The following MARCHF6 variants were observed in gnomAD, a reference collection of about 807,000 sequenced individuals.
The protein encoded by MARCHF6 is E3 ubiquitin-protein ligase MARCHF6.
MARCHF6 carries 31 observed loss-of-function variants against 133.7 expected under a neutral mutation model. The observed-to-expected ratio is 0.23, with a 90% CI of 0.17 to 0.31. MARCHF6 has a LOEUF of 0.31. Ranked by LOEUF, MARCHF6 falls within the 10% of genes least tolerant of loss-of-function variation. MARCHF6 has a pLI of 1.00. For missense variants in MARCHF6, 723 were observed against 1,121.6 expected (o/e 0.64, Z 5.08); for synonymous variants, 395 against 402.5 (o/e 0.98, Z 0.22).
intron 17 of MARCHF6, among the ~76,000 whole-genome samples, chr5:10,408,729 G>A (rs569790546): frequency 2.9e-4 from 44 of 152,168 alleles, no homozygotes; most frequent in Admixed American, 1.5e-3. Flanking sequence ...TGGGGAGACC[G>A]GGTTTTACCA....
intron 22 of MARCHF6, chr5:10,421,854 C>G (rs1579615358): frequency 2.6e-5 from 4 of 152,228 alleles, no homozygotes; most frequent in African/African-American, 9.7e-5. Flanking sequence ...CCTTTTGAAG[C>G]CCTTTAGGAT....
intron 4 of MARCHF6, among the ~76,000 whole-genome samples, chr5:10,386,174 TTTA>T (rs1329876699): frequency 6.6e-6 from 1 of 152,190 alleles, no homozygotes; most frequent in African/African-American, 2.4e-5. Flanking sequence ...GTAAGTAATT[TTTA>T]TTACAGAAAA....
chr5:10,390,823 A>ATATG (rs1737784213), intron 6 of MARCHF6, among the ~76,000 whole-genome samples: 1 of 152,218 alleles, frequency 6.6e-6, no homozygotes, highest in Admixed American at 6.5e-5. Context: ...ATGTATGTAT[A>ATATG]TATGTATGTA....
Position 10,436,811 on chromosome 5 carries a change from T to C in MARCHF6, c.*3127T>C, listed in dbSNP as rs1740673314. 6.6e-6 allele frequency: 1 copy of C among 152,220 alleles called. No homozygotes were observed. The highest frequency in any genetic ancestry group is 2.4e-5 in the African/African-American group (1 of 41,466). The allele number at this position is 152,220 out of a possible 1,614,324, so 9.4% of individuals were successfully genotyped here. On this transcript the variant is annotated 3_prime_UTR_variant, in exon 26 of 26. Coordinates refer to ENST00000274140, the MANE Select transcript of MARCHF6 (RefSeq NM_005885.4). ...TGTTTTTAGGTGACTTTTTTCCCCC[T>C]CTTAGTACTCTGGAGAAACAATGAA...
At chr5:10,406,968 G>C in intron 16 of MARCHF6, 134 bp from the exon 17 acceptor site, 1 of 497,134 alleles carries the variant, frequency 2.0e-6, no homozygotes, top group East Asian at 3.1e-5. Context: ...ATAATGTGTA[G>C]AGTGGGAACC....
chr5:10,410,230 C>A lies in MARCHF6; in HGVS notation c.1645C>A (p.Leu549Met), dbSNP rs1475399436. The A allele has an allele frequency of 3.1e-6, 5 of 1,613,472 alleles. No homozygotes were observed. The highest frequency in any genetic ancestry group is 4.2e-6 in the Non-Finnish European group (5 of 1,180,038). ...CGAACAGGGACACACGAGGCAGTGG[C>A]TGAAGGGGCTGGTGCGAGCGTGGAC... ...LLEQGHTRQW[L>M]KGLVRAWTVT... Residue 549 changes from leucine to methionine, a missense_variant, in exon 18 of 26, where the codon CTG becomes ATG. Physicochemically the swap from Leu to Met is conservative, Grantham distance 15. Around this residue, in one of 4 missense-constraint regions of MARCHF6, gnomAD observed 492 missense variants for 699.5 expected, o/e 0.70. Transcript: ENST00000274140.
chr5:10,385,689 G>A (rs921489181), intron 4 of MARCHF6, among the ~76,000 whole-genome samples: 2 of 152,066 alleles, frequency 1.3e-5, no homozygotes, highest in African/African-American at 4.8e-5. Context: ...ATGGGACAAA[G>A]CATTATATTT....
intron 1 of MARCHF6, among the ~76,000 whole-genome samples, chr5:10,369,166 A>G (rs1235029433): frequency 6.6e-6 from 1 of 152,160 alleles, no homozygotes; most frequent in East Asian, 1.9e-4. Context: ...TGTACCTCAT[A>G]TTTCATTGAC....
chr5:10,355,703 C>G lies in MARCHF6; in HGVS notation c.19+1786C>G, dbSNP rs1323785638. Among the ~76,000 whole-genome samples the G allele has an allele frequency of 2.6e-5, 4 of 152,280 alleles. No homozygotes were observed. The East Asian group carries it at 7.7e-4, about 29-fold the overall frequency. Reference sequence around the variant, plus strand: ...TACATTTCATTTAATTCTCTCACATCGTTAGGTAGTCGGCATTTTCATTTT... The same window carrying G: ...TACATTTCATTTAATTCTCTCACATGGTTAGGTAGTCGGCATTTTCATTTT... On this transcript the variant is annotated intron_variant, in intron 1 of 25. Coordinates refer to ENST00000274140, the MANE Select transcript of MARCHF6 (RefSeq NM_005885.4).
chr5:10,369,244 A>G (rs544681124), intron 1 of MARCHF6, among the ~76,000 whole-genome samples: 1 of 152,360 alleles, frequency 6.6e-6, no homozygotes, highest in East Asian at 1.9e-4. Context: ...GTGTATGCCC[A>G]GAAAGTGGAA....
intron 21 of MARCHF6, among the ~76,000 whole-genome samples, chr5:10,416,916 A>T (rs1172271922): frequency 6.6e-6 from 1 of 152,160 alleles, no homozygotes; most frequent in Non-Finnish European, 1.5e-5. Flanking sequence ...TTACTTTAGG[A>T]TTGTGCAGAG....
intron 1 of MARCHF6, 184 bp downstream of exon 1, chr5:10,354,101 T>G: frequency 3.0e-5 from 13 of 435,918 alleles, no homozygotes; most frequent in Middle Eastern, 6.7e-4. Context: ...CCCCCGCCGT[T>G]TCCCGCCCGC....
intron 1 of MARCHF6, among the ~76,000 whole-genome samples, chr5:10,355,688 T>A (rs1439297471): frequency 6.6e-6 from 1 of 152,264 alleles, no homozygotes; most frequent in Non-Finnish European, 1.5e-5. Context: ...TACATTTCAT[T>A]TAATTCTCTC....
At chr5:10,381,223 G>A (rs574810712) in intron 3 of MARCHF6, among the ~76,000 whole-genome samples, 1 of 152,262 alleles carries the variant, frequency 6.6e-6, no homozygotes, top group East Asian at 1.9e-4. Context: ...AATGTGTTGA[G>A]CCACATTTCT....
chr5:10,398,421 T>C (rs1738316276), intron 10 of MARCHF6, among the ~76,000 whole-genome samples: 1 of 152,230 alleles, frequency 6.6e-6, no homozygotes, highest in Admixed American at 6.5e-5. Flanking sequence ...TTTCGGATAC[T>C]TCCATTGATT....
At chr5:10,405,172 A>G (rs1388769788) in intron 15 of MARCHF6, among the ~76,000 whole-genome samples, 1 of 152,112 alleles carries the variant, frequency 6.6e-6, no homozygotes, top group Non-Finnish European at 1.5e-5. Context: ...TTGGGTGATG[A>G]TTTTCATTTA....
At chr5:10,399,969 A>C (rs2126756381) in intron 10 of MARCHF6, among the ~76,000 whole-genome samples, 1 of 152,228 alleles carries the variant, frequency 6.6e-6, no homozygotes. Context: ...CTTAAACTGG[A>C]AGTCAGATCT....
At chr5:10,428,677 A>C (rs1177606181) in intron 24 of MARCHF6, among the ~76,000 whole-genome samples, 1 of 152,136 alleles carries the variant, frequency 6.6e-6, no homozygotes, top group East Asian at 1.9e-4. Flanking sequence ...TTAAAATTAA[A>C]TTATTTTGAC....
Position 10,417,273 on chromosome 5 carries a change from A to G in MARCHF6, c.2152A>G (p.Met718Val), listed in dbSNP as rs1340133966. The change falls in exon 22 of 26, where the codon ATG becomes GTG. Residue 718 changes from methionine to valine, a missense_variant. Transcript: ENST00000274140. ...QKVKEWSLMI[M>V]KTLIVAVLLA... ...GTGGGCTCCTGTTTCCTAATAGATC[A>G]TGAAGACTTTGATAGTTGCGGTGCT... The G allele has an allele frequency of 3.1e-6, 5 of 1,608,274 alleles. No individual in the cohort carries two copies. The African/African-American group carries it at 4.0e-5, about 13-fold the overall frequency.
Sources: allele counts gnomAD v4.1 joint callset (sites outside exome capture counted in the v4.1 genomes callset), GRCh38; gene constraint gnomAD v4.1.1; regional missense constraint gnomAD v4.1.1; transcripts MANE v1.5; gene names NCBI Gene and HGNC (gene_info 2026-07-23, HGNC 2026-07-21).